AVIL: variants seen among roughly 807,000 people sequenced by gnomAD.
The protein encoded by AVIL is advillin.
AVIL carries 78 observed loss-of-function variants against 109.9 expected under a neutral mutation model. That is an observed-to-expected ratio of 0.71 (90% CI 0.59 to 0.86). The LOEUF is 0.86. AVIL is among the 40% of genes least tolerant of loss of function. AVIL has a pLI of 0.00. For missense variants in AVIL, 892 were observed against 1,016.5 expected, an observed-to-expected ratio of 0.88 and a Z score of 1.67; for synonymous variants, 367 against 379.1, an observed-to-expected ratio of 0.97 and a Z score of 0.37.
intron 11 of AVIL, 91 bp downstream of exon 11, chr12:57,808,103 G>A (rs1372553055): frequency 2.8e-6 from 4 of 1,424,840 alleles, no homozygotes; most frequent in Non-Finnish European, 4.0e-6. Flanking sequence ...GGAAAGCAAA[G>A]CAGACACAGA....
intron 18 of AVIL, chr12:57,800,451 T>C (rs899814238): frequency 1.3e-5 from 2 of 153,684 alleles, no homozygotes; most frequent in Non-Finnish European, 2.9e-5. Context: ...CTTTTAACCA[T>C]TAAAATAGGT....
In AVIL at chr12:57,801,960, C is replaced by T. The variant is rs192404417; in HGVS notation, c.2151+200G>A. Among the ~76,000 whole-genome samples the T allele has an allele frequency of 4.4e-3, 673 of 152,294 alleles. 6 individuals carry two copies. Among genetic ancestry groups the T allele is most frequent in the Non-Finnish European group, 4.8e-3 (327 of 68,032 alleles). On this transcript the variant is annotated intron_variant, in intron 17 of 19. Coordinates refer to ENST00000549994, the MANE Select transcript of AVIL (RefSeq NM_006576.4). ...ACTTCACACTGCTTATTGCTGACAC[C>T]TGCTGTGAATTGTCCACCTGGACTT...
At position 57,807,766 on chromosome 12, in the gene AVIL, G is replaced by T. The variant is rs200247929; in HGVS notation, c.1195-39C>A. The T allele has an allele frequency of 9.9e-6, 16 of 1,613,576 alleles. No homozygotes were observed. The Admixed American group carries it at 1.0e-4, about 10-fold the overall frequency. ...GAGACACCGTTTTCCAGAGATGGGG[G>T]TGCTGAGAGGGGCTAGGCCACACTA... is the stretch of plus-strand genomic sequence containing the variant. On this transcript the variant is annotated intron_variant, in intron 11 of 19. Coordinates refer to ENST00000549994, the MANE Select transcript of AVIL (RefSeq NM_006576.4).
rs755535127 is a variant in AVIL, at chr12:57,808,594, C to CT, written c.940-47dup. On this transcript the variant is annotated intron_variant, in intron 9 of 19. Transcript: ENST00000549994. ...AAAGGCAGGTCAGTGGTGGAATACA[C>CT]TGAGTTCTTTGCTTGTCTGGTAATT... 5.6e-6 allele frequency: 9 copies of CT among 1,602,610 alleles called. No individual in the cohort carries two copies. In the African/African-American group the frequency reaches 8.0e-5, roughly 14 times the overall value.
At position 57,802,546 on chromosome 12, in the gene AVIL, A is replaced by ATCT. The variant is rs1325811757; in HGVS notation, c.1963-201_1963-199dup. The stretch of plus-strand genomic sequence containing the variant: ...GTTTATCATTTTAATTGCTATGTGT[A>ATCT]TCTTCCAGGTCTGCCTTTCCAAATT... On this transcript the variant is annotated intron_variant, in intron 16 of 19. Coordinates refer to ENST00000549994, the MANE Select transcript of AVIL (RefSeq NM_006576.4). 8.0e-6 allele frequency: 6 copies of ATCT among 754,554 alleles called. No homozygotes were observed. In the Admixed American group the frequency reaches 1.2e-4, roughly 15 times the overall value. The allele number at this position is 754,554 out of a possible 1,614,324, so 46.7% of individuals were successfully genotyped here. A position where few individuals can be genotyped will look rare whatever the true frequency, so the allele number is the denominator to read the frequency against.
At position 57,810,900 on chromosome 12, in the gene AVIL, G is replaced by T. The variant is rs1200099484; in HGVS notation, c.474C>A (p.Asn158Lys). Residue 158 changes from asparagine (N) to lysine (K), a missense_variant, in exon 6 of 20, where the codon AAC becomes AAA. By Grantham distance (94) the Asn-to-Lys change is moderately conservative. Transcript: ENST00000549994. ...TEVEMSWDSF[N>K]RGDVFLLDLG... ...GGTCCAGCAAGAAGACATCACCTCG[G>T]TTGAAACTGTCCCAGCTCATTTCCA... The T allele has an allele frequency of 6.2e-7, 1 of 1,614,072 alleles. No homozygotes were observed. The highest frequency in any genetic ancestry group is 8.5e-7 in the Non-Finnish European group (1 of 1,180,046).
rs1955812169 is a variant in AVIL at position 57,799,900 on chromosome 12, G to A, written c.2241C>T (p.Leu747=). ...RITADMKNAT[L]SLNSNDSEPK... is the part of the protein sequence containing the mutation. ...GCTCACTGTCATTAGAATTCAGGGA[G>A]AGGGTTGCATTCTTCATGTCCTAGG... The change falls in exon 19 of 20, where the codon CTC becomes CTT. Residue 747 remains leucine, a synonymous_variant. Transcript: ENST00000549994. 1.2e-6 allele frequency: 2 copies of A among 1,614,198 alleles called. No homozygotes were observed. Among genetic ancestry groups the A allele is most frequent in the Non-Finnish European group, 1.7e-6 (2 of 1,180,040 alleles).
At chr12:57,818,085 C>G (rs1424041804) in intron 1 of AVIL, among the ~76,000 whole-genome samples, 1 of 150,972 alleles carries the variant, frequency 6.6e-6, no homozygotes, top group Non-Finnish European at 1.5e-5. Context: ...GTGGTACAAT[C>G]ACGGCTCACT....
chr12:57,814,169 A>G lies in AVIL; in HGVS notation c.124T>C (p.Cys42Arg), dbSNP rs1186991898. The G allele has an allele frequency of 1.2e-6, 2 of 1,613,218 alleles. No individual in the cohort carries two copies. The highest frequency in any genetic ancestry group is 1.7e-6 in the Non-Finnish European group (2 of 1,179,834). Residue 42 changes from cysteine (C) to arginine (R), a missense_variant, in exon 3 of 20, where the codon TGC becomes CGC. Coordinates refer to ENST00000549994, the MANE Select transcript of AVIL (RefSeq NM_006576.4). ...GTGCTCACCGAGAGGATGACGTAGC[A>G]GTCCCCCTCATAGAAGTTGCCGTGG... Reference protein sequence around the residue: ...SAHGNFYEGDCYVILSTRRVA... With the variant: ...SAHGNFYEGDRYVILSTRRVA...
chr12:57,802,126 A>G, intron 17 of AVIL, 34 bp downstream of exon 17: 1 of 1,608,202 alleles, frequency 6.2e-7, no homozygotes, highest in Non-Finnish European at 8.5e-7. Flanking sequence ...GCTACCTGGC[A>G]GGAAGTTAGA....
intron 14 of AVIL, among the ~76,000 whole-genome samples, chr12:57,805,204 C>T (rs1011259566): frequency 6.7e-6 from 1 of 149,422 alleles, no homozygotes; most frequent in Non-Finnish European, 1.5e-5. Flanking sequence ...TACAGGCGTG[C>T]ACCACCATGC....
chr12:57,809,786 G>C, intron 8 of AVIL, 26 bp downstream of exon 8: 1 of 1,613,744 alleles, frequency 6.2e-7, no homozygotes, highest in Middle Eastern at 1.7e-4. Context: ...GCTACCCCAA[G>C]CTAAGTCCAC....
At chr12:57,813,125 T>A in intron 4 of AVIL, 102 bp downstream of exon 4, 1 of 1,382,058 alleles carries the variant, frequency 7.2e-7, no homozygotes, top group Non-Finnish European at 9.9e-7. Flanking sequence ...TTGTTTTGAT[T>A]TGCATTTCTC....
intron 2 of AVIL, chr12:57,815,711 T>G: frequency 1.7e-5 from 24 of 1,389,304 alleles, no homozygotes; most frequent in Non-Finnish European, 2.3e-5. Flanking sequence ...GCAGACTCAC[T>G]GAGCAGGTGG....
intron 9 of AVIL, chr12:57,808,900 T>C (rs778703076): frequency 1.2e-5 from 3 of 256,322 alleles, no homozygotes; most frequent in East Asian, 1.0e-4. Flanking sequence ...TGCACAAATA[T>C]AAGCTCCTTG....
At chr12:57,805,981 C>T (rs1456943674) in intron 14 of AVIL, 9 of 209,410 alleles carry the variant, frequency 4.3e-5, no homozygotes, top group South Asian at 6.3e-5. Context: ...GGACTATGGG[C>T]GTGTGCCACC....
At chr12:57,809,783 C>T in intron 8 of AVIL, 29 bp downstream of exon 8, 1 of 1,613,664 alleles carries the variant, frequency 6.2e-7, no homozygotes, top group Non-Finnish European at 8.5e-7. Context: ...CTGGCTACCC[C>T]AAGCTAAGTC....
chr12:57,807,512 A>G, intron 12 of AVIL, 23 bp from the exon 13 acceptor site: 2 of 1,614,220 alleles, frequency 1.2e-6, no homozygotes, highest in Non-Finnish European at 1.7e-6. Context: ...GAGGCCATGA[A>G]GGACCCATGC....
chr12:57,803,231 T>G lies in AVIL; in HGVS notation c.1962+16A>C. ...GGAGTCTTTCTCATGTTCTGACTTC[T>G]GCAGCTGTGTCTTACCTGGTCCCAG... On this transcript the variant is annotated intron_variant, in intron 16 of 19. Coordinates refer to ENST00000549994, the MANE Select transcript of AVIL (RefSeq NM_006576.4). 2 of 1,613,974 alleles carry G rather than the reference T, an allele frequency of 1.2e-6. No homozygotes were observed. The highest frequency in any genetic ancestry group is 1.7e-6 in the Non-Finnish European group (2 of 1,179,916).
Sources: allele counts gnomAD v4.1 joint callset (sites outside exome capture counted in the v4.1 genomes callset), GRCh38; gene constraint gnomAD v4.1.1; transcripts MANE v1.5; gene names NCBI Gene and HGNC (gene_info 2026-07-23, HGNC 2026-07-21).